SSBP2: variants seen among roughly 807,000 people sequenced by gnomAD.
SSBP2 encodes single-stranded DNA-binding protein 2.
SSBP2 carries 17 observed loss-of-function variants against 61.8 expected under a neutral mutation model. That is an observed-to-expected ratio of 0.28 (90% CI 0.19 to 0.41). The LOEUF (loss-of-function observed/expected upper bound fraction) is 0.41, where lower values mean the gene tolerates loss of function less well. Ranked by LOEUF, SSBP2 falls within the 10% of genes least tolerant of loss-of-function variation. SSBP2 has a pLI of 1.00. For synonymous variants in SSBP2, 139 were observed against 141.3 expected (o/e 0.98, Z 0.12); for missense variants, 310 against 458.7 (o/e 0.68, Z 2.96).
intron 4 of SSBP2, among the ~76,000 whole-genome samples, chr5:81,534,329 A>C (rs1770647732): frequency 2.0e-5 from 3 of 152,158 alleles, no homozygotes; most frequent in African/African-American, 7.2e-5. Flanking sequence ...CACAAGGCAC[A>C]CTAAAAAGCA....
At chr5:81,592,423 A>G (rs969130712) in intron 4 of SSBP2, among the ~76,000 whole-genome samples, 1 of 152,248 alleles carries the variant, frequency 6.6e-6, no homozygotes, top group African/African-American at 2.4e-5. Flanking sequence ...GGCAGGGCAC[A>G]GACAAACAAA....
chr5:81,455,105 C>T (rs954856550), intron 10 of SSBP2, among the ~76,000 whole-genome samples: 6 of 152,002 alleles, frequency 3.9e-5, no homozygotes, highest in South Asian at 2.1e-4. Context: ...GATAGAAATA[C>T]GCATTAGGCA....
At chr5:81,667,742 G>A (rs1751268567) in intron 1 of SSBP2, among the ~76,000 whole-genome samples, 1 of 152,172 alleles carries the variant, frequency 6.6e-6, no homozygotes, top group Admixed American at 6.5e-5. Context: ...GTATTGAATT[G>A]TTACCTCTAC....
chr5:81,624,428 A>AT (rs1214183359), intron 3 of SSBP2, among the ~76,000 whole-genome samples: 4 of 152,046 alleles, frequency 2.6e-5, no homozygotes, highest in Middle Eastern at 3.4e-3. Context: ...TCAGATTTAA[A>AT]TTTTTTTTGA....
chr5:81,500,801 C>T (rs1205559999), intron 5 of SSBP2, among the ~76,000 whole-genome samples: 1 of 151,996 alleles, frequency 6.6e-6, no homozygotes, highest in African/African-American at 2.4e-5. Flanking sequence ...ATTATTGCAC[C>T]AAGAAGTCTG....
At chr5:81,529,971 G>A (rs925266059) in intron 4 of SSBP2, among the ~76,000 whole-genome samples, 8 of 152,090 alleles carry the variant, frequency 5.3e-5, no homozygotes, top group African/African-American at 1.9e-4. Context: ...AGAGAAACCA[G>A]CATTTAAAAT....
At position 81,474,647 on chromosome 5, in the gene SSBP2, T is replaced by C. The variant is rs901803038; in HGVS notation, c.433-85A>G. 5 of 935,570 alleles carry C rather than the reference T, an allele frequency of 5.3e-6. No homozygotes were observed. The Admixed American group carries it at 1.4e-4, about 26-fold the overall frequency. The allele number at this position is 935,570 out of a possible 1,614,324, so 58.0% of individuals were successfully genotyped here. ...TTAACAATTTCCTTTTAAATGCTTG[T>C]ATGATAATTACAAGAATGCATTTGA... is the stretch of plus-strand genomic sequence containing the variant. On this transcript the variant is annotated intron_variant, in intron 6 of 16. Transcript: ENST00000320672.
At chr5:81,670,883 CAGTT>C (rs1246677596) in intron 1 of SSBP2, among the ~76,000 whole-genome samples, 1 of 152,192 alleles carries the variant, frequency 6.6e-6, no homozygotes, top group South Asian at 2.1e-4. Context: ...GTGATGTCTT[CAGTT>C]ATACCTACTT....
intron 3 of SSBP2, among the ~76,000 whole-genome samples, chr5:81,633,098 G>C (rs1747874831): frequency 7.0e-6 from 1 of 143,194 alleles, no homozygotes; most frequent in East Asian, 2.1e-4. Context: ...CTTTTTAGCT[G>C]AGCCTCTGTC....
At chr5:81,698,440 T>TA (rs1753737678) in intron 1 of SSBP2, among the ~76,000 whole-genome samples, 1 of 152,190 alleles carries the variant, frequency 6.6e-6, no homozygotes, top group African/African-American at 2.4e-5. Flanking sequence ...ATCCTATTTT[T>TA]AACAAATAAC....
At chr5:81,706,655 TAAAC>T (rs1200216293) in intron 1 of SSBP2, among the ~76,000 whole-genome samples, 1 of 152,172 alleles carries the variant, frequency 6.6e-6, no homozygotes, top group Non-Finnish European at 1.5e-5. Context: ...AAAATCCAGT[TAAAC>T]AAGCCAGTTA....
intron 1 of SSBP2, among the ~76,000 whole-genome samples, chr5:81,663,752 T>C (rs1750889613): frequency 6.6e-6 from 1 of 152,238 alleles, no homozygotes; most frequent in Non-Finnish European, 1.5e-5. Context: ...AGAACCTGTC[T>C]TTTGCAACCT....
chr5:81,660,603 T>A (rs369639444), intron 1 of SSBP2, among the ~76,000 whole-genome samples: 1 of 152,274 alleles, frequency 6.6e-6, no homozygotes, highest in East Asian at 1.9e-4. Context: ...GTGTGGCAAT[T>A]CCTCAAGGAC....
intron 1 of SSBP2, among the ~76,000 whole-genome samples, chr5:81,684,152 T>C (rs1268171719): frequency 6.6e-6 from 1 of 152,188 alleles, no homozygotes; most frequent in Non-Finnish European, 1.5e-5. Context: ...TGCACACAAA[T>C]GTTTATGGCA....
chr5:81,473,846 T>C (rs1580774814), intron 7 of SSBP2, 76 bp from the exon 8 acceptor site: 4 of 1,299,640 alleles, frequency 3.1e-6, no homozygotes, highest in Non-Finnish European at 3.3e-6. Flanking sequence ...TCCTCCCTCC[T>C]GGGTGTTACT....
rs1363108306 is a variant in SSBP2, at chr5:81,416,287, A to G, written c.*4217T>C. 4 of 152,202 alleles carry G rather than the reference A, an allele frequency of 2.6e-5. No individual in the cohort carries two copies. The highest frequency in any genetic ancestry group is 2.6e-4 in the Admixed American group (4 of 15,276). 9.4% of individuals were successfully genotyped at this position (152,202 alleles called of 1,614,324 possible). On this transcript the variant is annotated 3_prime_UTR_variant, in exon 17 of 17. Coordinates refer to ENST00000320672, the MANE Select transcript of SSBP2 (RefSeq NM_012446.5). ...AAACACTAAAATGCATTCCAAAATCAAAATCAAGTGGCTATGATTTGTGGC... is the reference window on the plus strand; with the variant it reads ...AAACACTAAAATGCATTCCAAAATCGAAATCAAGTGGCTATGATTTGTGGC...
intron 5 of SSBP2, among the ~76,000 whole-genome samples, chr5:81,498,053 T>C (rs1031875600): frequency 6.6e-6 from 1 of 152,134 alleles, no homozygotes; most frequent in South Asian, 2.1e-4. Flanking sequence ...GGTTGAAATA[T>C]ATTTTAGAAA....
chr5:81,623,038 A>G (rs1266352925), intron 3 of SSBP2, among the ~76,000 whole-genome samples: 1 of 125,426 alleles, frequency 8.0e-6, no homozygotes, highest in Non-Finnish European at 1.8e-5. Context: ...TACTGGGAAT[A>G]ATAAAACCCG....
intron 6 of SSBP2, among the ~76,000 whole-genome samples, chr5:81,475,892 TTG>T (rs748826454): frequency 9.2e-5 from 14 of 152,056 alleles, no homozygotes; most frequent in Non-Finnish European, 1.9e-4. Context: ...GATTGAATAA[TTG>T]TGTGTGTATA....
Sources: allele counts gnomAD v4.1 joint callset (sites outside exome capture counted in the v4.1 genomes callset), GRCh38; gene constraint gnomAD v4.1.1; transcripts MANE v1.5; gene names NCBI Gene and HGNC (gene_info 2026-07-23, HGNC 2026-07-21).